DCAF8L2: variants seen among roughly 807,000 people sequenced by gnomAD.
The protein encoded by DCAF8L2 is DDB1- and CUL4-associated factor 8-like protein 2.
For missense variants in DCAF8L2, 430 were observed against 490.7 expected, an observed-to-expected ratio of 0.88 and a Z score of 1.17; for synonymous variants, 200 against 190.9, an observed-to-expected ratio of 1.05 and a Z score of -0.39.
the DCAF8L2 span, among the ~76,000 whole-genome samples, chrX:27,516,763 A>G: frequency 2.7e-5 from 3 of 112,108 alleles, no homozygotes; most frequent in Admixed American, 9.5e-5. Context: ...TTGAACAACC[A>G]GTCATCAGAG....
rs1460852225 is a variant in DCAF8L2 at position 27,747,279 on chromosome X, GGAA to G, written c.387_389del (p.Glu147del). 2.3e-4 allele frequency: 239 copies of G among 1,051,197 alleles called. 1 individual carries two copies. The African/African-American group carries it at 4.3e-3, about 19-fold the overall frequency. 86.6% of individuals were successfully genotyped at this position (1,051,197 alleles called of 1,213,427 possible). A position where few individuals can be genotyped will look rare whatever the true frequency, so the allele number is the denominator to read the frequency against. On this transcript the variant is annotated inframe_deletion, in exon 5 of 5. Coordinates refer to ENST00000451261, the MANE Select transcript of DCAF8L2 (RefSeq NM_001353450.2). Reference sequence around the variant, plus strand: ...TACAAGAGGAGGGAGGGGAGGAGGAGGAAGAGGAGGAGGAGGAGGAGGAGGAGG... The same window carrying G: ...TACAAGAGGAGGGAGGGGAGGAGGAGGAGGAGGAGGAGGAGGAGGAGGAGG...
At chrX:27,746,816 C>T (rs1922193108) in intron 4 of DCAF8L2, 22 bp from the exon 5 acceptor site, 1 of 1,003,444 alleles carries the variant, frequency 1.0e-6, no homozygotes, top group East Asian at 3.2e-5. Context: ...CAGTCCTAAC[C>T]GCAGGCCAAC....
At chrX:27,730,204 A>T (rs1262868135) in intron 4 of DCAF8L2, among the ~76,000 whole-genome samples, 1 of 111,834 alleles carries the variant, frequency 8.9e-6, no homozygotes, top group Non-Finnish European at 1.9e-5. Flanking sequence ...AGGAGAAAAG[A>T]TATTGGATTT....
intron 3 of DCAF8L2, among the ~76,000 whole-genome samples, chrX:27,680,564 A>G (rs1930288294): frequency 9.0e-6 from 1 of 111,568 alleles, no homozygotes; most frequent in Non-Finnish European, 1.9e-5. Context: ...ATTTTTTTCT[A>G]TACTTCACAG....
At chrX:27,713,409 AGT>A (rs1931593274) in intron 3 of DCAF8L2, among the ~76,000 whole-genome samples, 1 of 111,595 alleles carries the variant, frequency 9.0e-6, no homozygotes, top group Non-Finnish European at 1.9e-5. Flanking sequence ...TTAAAAGAGC[AGT>A]GTGTATGAAG....
At chrX:27,719,526 C>G (rs1931819496) in intron 4 of DCAF8L2, among the ~76,000 whole-genome samples, 1 of 103,915 alleles carries the variant, frequency 9.6e-6, no homozygotes, top group Non-Finnish European at 2.0e-5. Context: ...CTCACTGAAA[C>G]CTCCGCCTCC....
At chrX:27,574,640 A>G in the DCAF8L2 span, among the ~76,000 whole-genome samples, 2 of 112,120 alleles carry the variant, frequency 1.8e-5, no homozygotes, top group East Asian at 2.8e-4. Context: ...CTTCCAAGAA[A>G]ACTTCTATAG....
chrX:27,627,943 T>C (rs1267505344), intron 1 of DCAF8L2, among the ~76,000 whole-genome samples: 1 of 96,332 alleles, frequency 1.0e-5, no homozygotes, highest in Non-Finnish European at 2.1e-5. Context: ...AAAAAAACAA[T>C]GAATACATAA....
At chrX:27,493,565 G>T in the DCAF8L2 span, among the ~76,000 whole-genome samples, 2 of 108,707 alleles carry the variant, frequency 1.8e-5, no homozygotes, top group Non-Finnish European at 3.8e-5. Context: ...ACAAAAATTA[G>T]CCAGGTGTGG....
rs748787512 is a variant in DCAF8L2 at position 27,613,893 on chromosome X, G to C, written c.-341-17986G>C. ...GGATGTTTGCATCGATGTTCATCACGGATATTGGGCTAAAATTCTCTTTTT... is the reference window on the plus strand; with the variant it reads ...GGATGTTTGCATCGATGTTCATCACCGATATTGGGCTAAAATTCTCTTTTT... On this transcript the variant is annotated intron_variant, in intron 1 of 4. Coordinates refer to ENST00000451261, the MANE Select transcript of DCAF8L2 (RefSeq NM_001353450.2). Among the ~76,000 whole-genome samples the C allele has an allele frequency of 9.9e-5, 11 of 111,343 alleles. No individual in the cohort carries two copies. The South Asian group carries it at 3.5e-3, about 35-fold the overall frequency.
At chrX:27,529,302 A>G in the DCAF8L2 span, among the ~76,000 whole-genome samples, 1 of 111,614 alleles carries the variant, frequency 9.0e-6, no homozygotes, top group South Asian at 3.8e-4. Flanking sequence ...AATAGCCTAC[A>G]TTCAAGACAG....
chrX:27,728,313 T>C (rs1400916397), intron 4 of DCAF8L2, among the ~76,000 whole-genome samples: 1 of 106,590 alleles, frequency 9.4e-6, no homozygotes, highest in East Asian at 3.5e-4. Context: ...GCCAATTCAA[T>C]GTCTTGTTGT....
chrX:27,673,534 G>T (rs1157073549), intron 2 of DCAF8L2, among the ~76,000 whole-genome samples: 3 of 107,019 alleles, frequency 2.8e-5, no homozygotes, highest in African/African-American at 1.0e-4. Flanking sequence ...AAGATTTGGG[G>T]TTAGGTATAA....
chrX:27,581,590 T>A, the DCAF8L2 span, among the ~76,000 whole-genome samples: 87 of 13,143 alleles, frequency 6.6e-3, 1 homozygote, highest in African/African-American at 0.024. Context: ...TTTAATACAA[T>A]TTTTTTTTTT....
chrX:27,722,943 A>C, intron 4 of DCAF8L2, among the ~76,000 whole-genome samples: 1 of 111,190 alleles, frequency 9.0e-6, no homozygotes, highest in Non-Finnish European at 1.9e-5. Flanking sequence ...TTGGGTTATA[A>C]AATTAGTATT....
At chrX:27,651,695 A>G (rs1342335290) in intron 2 of DCAF8L2, among the ~76,000 whole-genome samples, 2 of 108,939 alleles carry the variant, frequency 1.8e-5, no homozygotes, top group Non-Finnish European at 3.8e-5. Context: ...TATTTTTAGT[A>G]GAGACGGGGT....
intron 1 of DCAF8L2, among the ~76,000 whole-genome samples, chrX:27,626,969 A>C (rs1481390561): frequency 9.1e-6 from 1 of 110,348 alleles, no homozygotes; most frequent in East Asian, 2.9e-4. Flanking sequence ...TGTTACATGA[A>C]GTAGCAGCTT....
At chrX:27,507,804 A>T in the DCAF8L2 span, among the ~76,000 whole-genome samples, 1 of 111,549 alleles carries the variant, frequency 9.0e-6, no homozygotes. Flanking sequence ...GTATTAAAAA[A>T]TTCAAAGCTT....
At chrX:27,522,884 G>A in the DCAF8L2 span, among the ~76,000 whole-genome samples, 2 of 111,611 alleles carry the variant, frequency 1.8e-5, no homozygotes, top group Non-Finnish European at 3.8e-5. Flanking sequence ...GAAATAGGGA[G>A]CAGACTCATG....
Sources: allele counts gnomAD v4.1 joint callset (sites outside exome capture counted in the v4.1 genomes callset), GRCh38; gene constraint gnomAD v4.1.1; transcripts MANE v1.5; gene names NCBI Gene and HGNC (gene_info 2026-07-23, HGNC 2026-07-21).